STK39: variants seen among roughly 807,000 people sequenced by gnomAD.
STK39 encodes STE20/SPS1-related proline-alanine-rich protein kinase.
STK39 carries 20 observed loss-of-function variants against 77.8 expected under a neutral mutation model. The observed-to-expected ratio is 0.26, with a 90% confidence interval of 0.18 to 0.37. STK39 has a LOEUF of 0.37. STK39 is among the 10% of genes least tolerant of loss of function. The pLI is 1.00. For missense variants in STK39, 479 were observed against 656.5 expected (o/e 0.73, Z 2.95); for synonymous variants, 246 against 234.1 (o/e 1.05, Z -0.47).
At chr2:168,211,611 A>G (rs538080781) in intron 1 of STK39, among the ~76,000 whole-genome samples, 133 of 152,222 alleles carry the variant, frequency 8.7e-4, no homozygotes, top group African/African-American at 3.0e-3. Flanking sequence ...CTGCCTTCCA[A>G]TTTATTCTTA....
chr2:168,176,916 G>A (rs1014470651), intron 2 of STK39, among the ~76,000 whole-genome samples: 1 of 152,114 alleles, frequency 6.6e-6, no homozygotes, highest in Admixed American at 6.5e-5. Flanking sequence ...AATTGAAAAG[G>A]GGGTTTTGTT....
intron 14 of STK39, among the ~76,000 whole-genome samples, chr2:168,023,144 G>A (rs1684610045): frequency 6.6e-6 from 1 of 152,024 alleles, no homozygotes; most frequent in African/African-American, 2.4e-5. Flanking sequence ...TTGAACTCTG[G>A]ACTCAAGTGA....
intron 1 of STK39, among the ~76,000 whole-genome samples, chr2:168,242,341 T>A (rs967810215): frequency 1.3e-5 from 2 of 151,020 alleles, no homozygotes; most frequent in Non-Finnish European, 3.0e-5. Flanking sequence ...GCAGGCGGGT[T>A]ACTTCAGACC....
intron 5 of STK39, among the ~76,000 whole-genome samples, chr2:168,158,956 T>C (rs575985232): frequency 1.3e-5 from 2 of 152,294 alleles, no homozygotes; most frequent in African/African-American, 4.8e-5. Context: ...AGCTGCATAA[T>C]AAAGTGAGGG....
intron 10 of STK39, among the ~76,000 whole-genome samples, chr2:168,127,502 T>C (rs1402949652): frequency 6.6e-6 from 1 of 152,154 alleles, no homozygotes; most frequent in Admixed American, 6.5e-5. Context: ...AGATTCTTCA[T>C]TTTTTCAAAT....
At chr2:168,100,757 T>G (rs1277068573) in intron 10 of STK39, among the ~76,000 whole-genome samples, 1 of 152,166 alleles carries the variant, frequency 6.6e-6, no homozygotes, top group East Asian at 1.9e-4. Context: ...ACACTGTTGG[T>G]GGGAGTGTAA....
At chr2:168,137,442 A>C (rs1276953558) in intron 8 of STK39, among the ~76,000 whole-genome samples, 1 of 152,250 alleles carries the variant, frequency 6.6e-6, no homozygotes, top group Admixed American at 6.5e-5. Flanking sequence ...AGGATATTTC[A>C]AAGTCACAGA....
intron 14 of STK39, among the ~76,000 whole-genome samples, chr2:168,056,671 G>A (rs1243338701): frequency 6.6e-6 from 1 of 152,190 alleles, no homozygotes; most frequent in Non-Finnish European, 1.5e-5. Flanking sequence ...ACGTGTATGT[G>A]TAACATATGC....
chr2:168,120,301 G>A (rs73019436), intron 10 of STK39, among the ~76,000 whole-genome samples: 62 of 152,290 alleles, frequency 4.1e-4, no homozygotes, highest in Non-Finnish European at 6.5e-4. Context: ...AATAAATATC[G>A]TTTTTCTCTC....
At chr2:168,137,876 T>C (rs1687878913) in intron 8 of STK39, among the ~76,000 whole-genome samples, 1 of 152,228 alleles carries the variant, frequency 6.6e-6, no homozygotes. Context: ...ACCACAATTT[T>C]TCCTCTGCCT....
In STK39 at chr2:168,119,159, C is replaced by A. The variant is rs564857795; in HGVS notation, c.1089+10382G>T. ...TAAGCGAGAGGATGGGAAAAGGAAA[C>A]ACAAAGTGGAGAGAGGACATGTGCA... On this transcript the variant is annotated intron_variant, in intron 10 of 17. Transcript: ENST00000355999. Among the ~76,000 whole-genome samples, 6 of 152,254 alleles carry A rather than the reference C, an allele frequency of 3.9e-5. No homozygotes were observed. The South Asian group carries it at 1.2e-3, about 32-fold the overall frequency.
In STK39 at chr2:167,979,091, T is replaced by G. The variant is rs191420059; in HGVS notation, c.1499-14365A>C. Among the ~76,000 whole-genome samples, 4 of 152,338 alleles carry G rather than the reference T, an allele frequency of 2.6e-5. No homozygotes were observed. In the East Asian group the frequency reaches 7.7e-4, roughly 29 times the overall value. ...TACATATTCACCTCTTGATGAATAC[T>G]TGGGTATTTCTGAGTTCTGCTGTTA... is the stretch of plus-strand genomic sequence containing the variant. On this transcript the variant is annotated intron_variant, in intron 16 of 17. Transcript: ENST00000355999.
chr2:168,192,341 G>A (rs1689359720), intron 1 of STK39, among the ~76,000 whole-genome samples: 1 of 152,110 alleles, frequency 6.6e-6, no homozygotes, highest in Non-Finnish European at 1.5e-5. Context: ...AGGAGCCAAG[G>A]GAGTGTGACC....
At chr2:168,060,400 G>T (rs1685634217) in intron 14 of STK39, among the ~76,000 whole-genome samples, 1 of 152,174 alleles carries the variant, frequency 6.6e-6, no homozygotes, top group East Asian at 1.9e-4. Context: ...CAGAGAGCTT[G>T]CTCTCACTCC....
chr2:168,037,171 C>T (rs1409293408), intron 14 of STK39, among the ~76,000 whole-genome samples: 1 of 152,152 alleles, frequency 6.6e-6, no homozygotes, highest in East Asian at 1.9e-4. Flanking sequence ...TTTCTGTGCC[C>T]TCCCTCACTT....
intron 12 of STK39, among the ~76,000 whole-genome samples, chr2:168,073,763 T>C (rs1460158124): frequency 3.9e-5 from 6 of 152,036 alleles, no homozygotes; most frequent in Non-Finnish European, 7.4e-5. Context: ...CGAGTACAGA[T>C]GCCTGCCACC....
chr2:168,078,401 CCA>C (rs1478403775), intron 10 of STK39, among the ~76,000 whole-genome samples: 1 of 152,136 alleles, frequency 6.6e-6, no homozygotes, highest in African/African-American at 2.4e-5. Context: ...GGATGAGCAG[CCA>C]CAGAGAGGAG....
intron 1 of STK39, among the ~76,000 whole-genome samples, chr2:168,226,657 C>T (rs1296112601): frequency 6.9e-6 from 1 of 145,980 alleles, no homozygotes; most frequent in Admixed American, 6.9e-5. Flanking sequence ...TTTCTCCTGA[C>T]CTTAGATATT....
chr2:168,145,707 T>C (rs1688119299), intron 5 of STK39, among the ~76,000 whole-genome samples: 1 of 152,228 alleles, frequency 6.6e-6, no homozygotes, highest in African/African-American at 2.4e-5. Context: ...TGTGATATTA[T>C]GTTTGTGATA....
Sources: gnomAD v4.1 joint callset for allele counts (sites outside exome capture counted in the v4.1 genomes callset) on GRCh38, gnomAD v4.1.1 for gene constraint, MANE v1.5 for transcripts, NCBI Gene and HGNC (gene_info 2026-07-23, HGNC 2026-07-21) for gene names.